SUMF1: variants seen among roughly 807,000 people sequenced by gnomAD.
SUMF1 encodes the protein formylglycine-generating enzyme.
In SUMF1, 48 loss-of-function variants were observed where a neutral mutation model predicts 47.6. The ratio of observed to expected loss-of-function variants is 1.01; its 90% CI spans 0.80 to 1.28. The LOEUF (loss-of-function observed/expected upper bound fraction) is 1.28, where lower values mean the gene tolerates loss of function less well. Ranked by LOEUF, SUMF1 falls within the 50% of genes most tolerant of loss-of-function variation. The pLI is 0.00. For synonymous variants in SUMF1, 230 were observed against 192.1 expected (o/e 1.20, Z -1.63); for missense variants, 571 against 485.4 (o/e 1.18, Z -1.66).
intron 8 of SUMF1, among the ~76,000 whole-genome samples, chr3:4,216,366 C>G (rs944612641): frequency 4.6e-5 from 7 of 152,102 alleles, no homozygotes; most frequent in African/African-American, 9.7e-5. Context: ...GGAACCCTTC[C>G]TTACACCTTC....
intron 8 of SUMF1, among the ~76,000 whole-genome samples, chr3:4,120,514 T>C (rs937629413): frequency 6.6e-6 from 1 of 152,158 alleles, no homozygotes; most frequent in Non-Finnish European, 1.5e-5. Context: ...CCATCTTCTT[T>C]GTCTACCTGT....
intron 8 of SUMF1, among the ~76,000 whole-genome samples, chr3:4,201,270 C>T (rs1420134450): frequency 6.6e-6 from 1 of 151,970 alleles, no homozygotes; most frequent in Non-Finnish European, 1.5e-5. Flanking sequence ...CATTAACCAT[C>T]GCCACTTCCA....
chr3:4,184,651 A>AT (rs113449863), intron 8 of SUMF1, among the ~76,000 whole-genome samples: 1,598 of 135,002 alleles, frequency 0.012, 22 homozygotes, highest in African/African-American at 0.036. Flanking sequence ...ATTTCCCTGG[A>AT]TTTTTTTTTT....
rs559672221 is a variant in SUMF1 at position 4,120,367 on chromosome 3, A to G, written c.1015-51622T>C. ...TTTCTGAAAGCTTGTTAGATCTCAC[A>G]ATCTATTTGTAATCCTGAGTTTCTA... On this transcript the variant is annotated intron_variant and NMD_transcript_variant, in intron 8 of 12. Coordinates refer to the SUMF1 transcript ENST00000448413. 3.9e-5 allele frequency among the ~76,000 whole-genome samples: 6 copies of G among 152,284 alleles called. No homozygotes were observed. The East Asian group carries it at 1.2e-3, about 29-fold the overall frequency.
At position 4,455,544 on chromosome 3, in the gene SUMF1, C is replaced by T. The variant is rs9876915; in HGVS notation, c.271-2495G>A. On this transcript the variant is annotated intron_variant, in intron 1 of 8. Coordinates refer to ENST00000272902, the MANE Select transcript of SUMF1 (RefSeq NM_182760.4). ...CAGCCTGGCCAACACGGTGAAACCC[C>T]GTCTCTACTAAAAATACAAAAAATT... Among the ~76,000 whole-genome samples the T allele has an allele frequency of 3.5e-3, 536 of 152,150 alleles. 4 individuals are homozygous for T. Among genetic ancestry groups the T allele is most frequent in the African/African-American group, 0.012 (510 of 41,516 alleles).
intron 7 of SUMF1, among the ~76,000 whole-genome samples, chr3:4,393,848 C>T (rs1036079982): frequency 6.6e-6 from 1 of 151,988 alleles, no homozygotes; most frequent in Non-Finnish European, 1.5e-5. Flanking sequence ...TTTTTCTTTA[C>T]AATTTTGTTC....
At chr3:4,285,019 A>C (rs1697604830) in intron 8 of SUMF1, among the ~76,000 whole-genome samples, 1 of 152,176 alleles carries the variant, frequency 6.6e-6, no homozygotes, top group Non-Finnish European at 1.5e-5. Context: ...CTCACAAGTA[A>C]GATGAGGCTT....
intron 8 of SUMF1, among the ~76,000 whole-genome samples, chr3:4,284,421 A>G (rs1454684591): frequency 6.8e-6 from 1 of 147,710 alleles, no homozygotes; most frequent in African/African-American, 2.6e-5. Flanking sequence ...CCAAAAAAAA[A>G]ATAAGTAAAT....
At position 4,218,062 on chromosome 3, in the gene SUMF1, A is replaced by G. The variant is rs1695976148; in HGVS notation, c.1015-149317T>C. On this transcript the variant is annotated intron_variant and NMD_transcript_variant, in intron 8 of 12. Coordinates refer to the SUMF1 transcript ENST00000448413. ...GCGAAGGAGAGAAACAAGAATGAGG[A>G]GGGAAGGATTTCTCAGAGGCTTTAA... Among the ~76,000 whole-genome samples the G allele has an allele frequency of 2.6e-5, 4 of 152,228 alleles. No homozygotes were observed. In the South Asian group the frequency reaches 8.3e-4, roughly 32 times the overall value.
rs567269355 is a variant in SUMF1 at position 4,277,605 on chromosome 3, C to G, written c.1014+98725G>C. On this transcript the variant is annotated intron_variant and NMD_transcript_variant, in intron 8 of 12. Coordinates refer to the SUMF1 transcript ENST00000448413. ...ACACAGTAGGACCTTGAATTAAACT[C>G]AAAATGAAAAACGTTTATAATCTTT... 9.9e-5 allele frequency among the ~76,000 whole-genome samples: 15 copies of G among 151,996 alleles called. No homozygotes were observed. In the South Asian group the frequency reaches 3.1e-3, roughly 32 times the overall value.
chr3:4,234,614 T>C lies in SUMF1; in HGVS notation c.1014+141716A>G, dbSNP rs138704581. Reference sequence around the variant, plus strand: ...GCAAGAATTACTGTACAGCATGATATATGCTCCAAAAGAAGAAGTAAAAAT... The same window carrying C: ...GCAAGAATTACTGTACAGCATGATACATGCTCCAAAAGAAGAAGTAAAAAT... On this transcript the variant is annotated intron_variant and NMD_transcript_variant, in intron 8 of 12. Coordinates refer to the SUMF1 transcript ENST00000448413. Among the ~76,000 whole-genome samples the C allele has an allele frequency of 2.2e-3, 330 of 152,258 alleles. 3 individuals carry two copies. Among genetic ancestry groups the C allele is most frequent in the African/African-American group, 7.4e-3 (307 of 41,548 alleles).
At chr3:4,141,029 G>A (rs1250703012) in intron 8 of SUMF1, among the ~76,000 whole-genome samples, 4 of 152,102 alleles carry the variant, frequency 2.6e-5, no homozygotes, top group Non-Finnish European at 5.9e-5. Context: ...TTCACTTGTT[G>A]ACCTTTAAAA....
At chr3:4,200,600 G>A (rs546336278) in intron 8 of SUMF1, among the ~76,000 whole-genome samples, 94 of 152,052 alleles carry the variant, frequency 6.2e-4, no homozygotes, top group Non-Finnish European at 1.1e-3. Context: ...CTCTGGACTT[G>A]GACCAAGCCA....
chr3:4,198,555 A>T (rs1200779824), intron 8 of SUMF1, among the ~76,000 whole-genome samples: 3 of 152,166 alleles, frequency 2.0e-5, no homozygotes, highest in Non-Finnish European at 4.4e-5. Context: ...ATGGCAGGAA[A>T]TAACAAATTG....
At chr3:4,204,208 G>A (rs897267350) in intron 8 of SUMF1, among the ~76,000 whole-genome samples, 10 of 151,984 alleles carry the variant, frequency 6.6e-5, no homozygotes, top group African/African-American at 2.4e-4. Context: ...GTTCACCTGG[G>A]AAAGTATCTA....
At chr3:4,068,474 T>A (rs577495774) in intron 9 of SUMF1, 2 of 182,668 alleles carry the variant, frequency 1.1e-5, no homozygotes, top group African/African-American at 4.7e-5. Context: ...AAAATATTAT[T>A]TCAACATGTA....
Position 4,400,547 on chromosome 3 carries a change from C to T in SUMF1, c.954+10318G>A, listed in dbSNP as rs1701177053. Among the ~76,000 whole-genome samples the T allele has an allele frequency of 2.0e-5, 3 of 152,160 alleles. No homozygotes were observed. The South Asian group carries it at 6.2e-4, about 32-fold the overall frequency. On this transcript the variant is annotated intron_variant, in intron 7 of 8. Transcript: ENST00000272902. ...TAACATAATCTGGTCTACTAAACAACAAGAGGCAATGCTGAAGGGGAAAGG... is the reference window on the plus strand; with the variant it reads ...TAACATAATCTGGTCTACTAAACAATAAGAGGCAATGCTGAAGGGGAAAGG...
intron 3 of SUMF1, among the ~76,000 whole-genome samples, chr3:4,433,162 C>T (rs1006427696): frequency 2.2e-4 from 33 of 152,072 alleles, no homozygotes; most frequent in African/African-American, 7.5e-4. Context: ...CCACAGAGGC[C>T]GACGATACAG....
intron 8 of SUMF1, among the ~76,000 whole-genome samples, chr3:4,128,145 T>C (rs1291196047): frequency 2.0e-5 from 3 of 152,124 alleles, no homozygotes; most frequent in African/African-American, 7.2e-5. Flanking sequence ...TCTGCTAAGA[T>C]TGCCCTGAGT....
Sources: gnomAD v4.1 joint callset for allele counts (sites outside exome capture counted in the v4.1 genomes callset) on GRCh38, gnomAD v4.1.1 for gene constraint, MANE v1.5 for transcripts, NCBI Gene and HGNC (gene_info 2026-07-23, HGNC 2026-07-21) for gene names.